UTRN: variants seen among roughly 807,000 people sequenced by gnomAD.
UTRN encodes the protein utrophin.
In UTRN, 283 loss-of-function variants were observed where a neutral mutation model predicts 463.9. The ratio of observed to expected loss-of-function variants is 0.61; its 90% confidence interval spans 0.55 to 0.67. The LOEUF (loss-of-function observed/expected upper bound fraction) is 0.67, where lower values mean the gene tolerates loss of function less well. Among genes scored for constraint, UTRN ranks in the 30% least tolerant of loss-of-function variants. The pLI is 0.00. For synonymous variants in UTRN, 1,442 were observed against 1,431.5 expected, an observed-to-expected ratio of 1.01 and a Z score of -0.17; for missense variants, 3,922 against 4,084.3, an observed-to-expected ratio of 0.96 and a Z score of 1.08.
intron 51 of UTRN, among the ~76,000 whole-genome samples, chr6:144,670,621 T>C (rs1197365841): frequency 2.6e-5 from 4 of 152,112 alleles, no homozygotes; most frequent in Non-Finnish European, 4.4e-5. Context: ...TTTTGCTGTG[T>C]AGAAGCTTTT....
At position 144,301,542 on chromosome 6, in the gene UTRN, T is replaced by C. The variant is rs1474199029; in HGVS notation, c.79+9635T>C. On this transcript the variant is annotated intron_variant, in intron 2 of 74. Coordinates refer to ENST00000367545, the MANE Select transcript of UTRN (RefSeq NM_007124.3). ...ATCCTATCTTTCTTTCTTTCTTTTT[T>C]TTTTTTTTTTTTTTTTTTTGAGACA... Among the ~76,000 whole-genome samples, 644 of 127,192 alleles carry C rather than the reference T, an allele frequency of 5.1e-3. 5 individuals carry two copies. The highest frequency in any genetic ancestry group is 0.022 in the African/African-American group (609 of 27,516). The allele number at this position is 127,192 out of a possible 152,430, so 83.4% of individuals were successfully genotyped here. A position where few individuals can be genotyped will look rare whatever the true frequency, so the allele number is the denominator to read the frequency against.
At chr6:144,304,921 G>A (rs1805576881) in intron 2 of UTRN, among the ~76,000 whole-genome samples, 1 of 150,736 alleles carries the variant, frequency 6.6e-6, no homozygotes, top group Non-Finnish European at 1.5e-5. Context: ...TTTATCAGCT[G>A]TTAATGTTTT....
intron 51 of UTRN, among the ~76,000 whole-genome samples, chr6:144,664,167 G>A (rs552711826): frequency 6.6e-6 from 1 of 152,314 alleles, no homozygotes; most frequent in South Asian, 2.1e-4. Flanking sequence ...AGTTTAAGTT[G>A]AAAGAAGGAA....
chr6:144,447,182 T>C, intron 14 of UTRN, 29 bp from the exon 15 acceptor site: 1 of 1,590,280 alleles, frequency 6.3e-7, no homozygotes, highest in Non-Finnish European at 8.6e-7. Flanking sequence ...ATTTTGCAGA[T>C]AAAGTTCAAC....
At chr6:144,652,201 A>C (rs1778889276) in intron 51 of UTRN, among the ~76,000 whole-genome samples, 1 of 152,172 alleles carries the variant, frequency 6.6e-6, no homozygotes, top group South Asian at 2.1e-4. Flanking sequence ...AATGTGGCTG[A>C]TGTCAGTGTC....
chr6:144,341,872 G>A (rs1777161926), intron 2 of UTRN, among the ~76,000 whole-genome samples: 1 of 152,162 alleles, frequency 6.6e-6, no homozygotes, highest in Non-Finnish European at 1.5e-5. Context: ...TATTTAGCTG[G>A]TATGAACCCA....
At chr6:144,803,904 C>T (rs1334949643) in intron 65 of UTRN, among the ~76,000 whole-genome samples, 4 of 151,968 alleles carry the variant, frequency 2.6e-5, no homozygotes, top group East Asian at 1.9e-4. Flanking sequence ...TTGATGTCAA[C>T]GTTTTTTTCA....
chr6:144,645,757 G>C (rs1291381009), intron 51 of UTRN, among the ~76,000 whole-genome samples: 6 of 152,174 alleles, frequency 3.9e-5, no homozygotes, highest in African/African-American at 1.4e-4. Context: ...GGAGAAAGCT[G>C]TGTTGGTGAT....
At position 144,453,877 on chromosome 6, in the gene UTRN, C is replaced by T; in HGVS notation, c.2284+8C>T. Reference sequence around the variant, plus strand: ...TGGAGCAAATGGGAAAAGGTAAGATCCTTGATTTTTTTCCCCTATATTTTT... The same window carrying T: ...TGGAGCAAATGGGAAAAGGTAAGATTCTTGATTTTTTTCCCCTATATTTTT... On this transcript the variant is annotated splice_region_variant and intron_variant, in intron 19 of 74. Transcript: ENST00000367545. 6.2e-7 allele frequency: 1 copy of T among 1,609,530 alleles called. No homozygotes were observed. Among genetic ancestry groups the T allele is most frequent in the Non-Finnish European group, 8.5e-7 (1 of 1,177,294 alleles).
At chr6:144,835,048 G>A (rs535575871) in intron 69 of UTRN, among the ~76,000 whole-genome samples, 4 of 152,278 alleles carry the variant, frequency 2.6e-5, no homozygotes, top group South Asian at 4.1e-4. Context: ...AAGAAATTCC[G>A]AGTCTGCTAG....
chr6:144,688,265 T>C (rs1011578684), intron 52 of UTRN, among the ~76,000 whole-genome samples: 1 of 152,182 alleles, frequency 6.6e-6, no homozygotes, highest in African/African-American at 2.4e-5. Context: ...TTTTCATTCA[T>C]ATCTTGAATT....
intron 54 of UTRN, 145 bp from the exon 55 acceptor site, chr6:144,748,101 C>A: frequency 9.9e-7 from 1 of 1,010,784 alleles, no homozygotes; most frequent in Non-Finnish European, 1.4e-6. Context: ...GAAATTCTTT[C>A]TTACCCTGGA....
rs1209854800 is a variant in UTRN, at chr6:144,537,739, A to G, written c.6369+22A>G. ...AAGAGTAAGTTGTTTATTTCTGTCT[A>G]TATGCCTTTTGGTGCCCGAACATTA... On this transcript the variant is annotated intron_variant, in intron 44 of 74. Transcript: ENST00000367545. 4 of 1,604,196 alleles carry G rather than the reference A, an allele frequency of 2.5e-6. No homozygotes were observed. In the African/African-American group the frequency reaches 4.0e-5, roughly 16 times the overall value.
intron 45 of UTRN, among the ~76,000 whole-genome samples, chr6:144,541,518 A>G (rs923907339): frequency 2.6e-5 from 4 of 152,240 alleles, no homozygotes; most frequent in African/African-American, 7.2e-5. Flanking sequence ...AAGACCAACA[A>G]TGCTCATTGT....
chr6:144,507,191 C>T (rs1794760972), intron 34 of UTRN, among the ~76,000 whole-genome samples: 1 of 151,776 alleles, frequency 6.6e-6, no homozygotes, highest in South Asian at 2.1e-4. Flanking sequence ...TTCTTAGCTT[C>T]CTTGCATTGG....
intron 51 of UTRN, among the ~76,000 whole-genome samples, chr6:144,650,508 CTG>C (rs1778697816): frequency 2.0e-5 from 3 of 152,132 alleles, no homozygotes; most frequent in Non-Finnish European, 4.4e-5. Context: ...ATGGTAGAGA[CTG>C]TTGTAATTTC....
rs561618938 is a variant in UTRN, at chr6:144,510,945, A to G, written c.4766A>G (p.Asn1589Ser). The G allele has an allele frequency of 6.4e-7, 1 of 1,562,144 alleles. No homozygotes were observed. Among genetic ancestry groups the G allele is most frequent in the South Asian group, 1.2e-5 (1 of 84,858 alleles). Residue 1589 changes from asparagine (N) to serine (S), a missense_variant and splice_region_variant, in exon 35 of 75, where the codon AAT becomes AGT. Around this residue, in one of 3 missense-constraint regions of UTRN, gnomAD observed 2,349 missense variants for 2,303.8 expected, o/e 1.02. Coordinates refer to ENST00000367545, the MANE Select transcript of UTRN (RefSeq NM_007124.3). ...DLDTEISWAK[N>S]VLKDLEKRKA... ...GGTCTTGGTGTTTTTATTTTCTAGA[A>G]TGTTCTGAAGGATCTGGAAAAGAGA...
At chr6:144,715,713 C>T (rs1786357044) in intron 53 of UTRN, among the ~76,000 whole-genome samples, 2 of 142,212 alleles carry the variant, frequency 1.4e-5, no homozygotes, top group Admixed American at 1.4e-4. Flanking sequence ...CCCTTTTCTA[C>T]TTCTTTCTTT....
intron 54 of UTRN, among the ~76,000 whole-genome samples, chr6:144,741,314 G>A (rs1790045636): frequency 1.3e-5 from 2 of 152,160 alleles, no homozygotes; most frequent in African/African-American, 4.8e-5. Flanking sequence ...CCTGGGGAGA[G>A]ATGGGCAGTC....
Sources: allele counts gnomAD v4.1 joint callset (sites outside exome capture counted in the v4.1 genomes callset), GRCh38; gene constraint gnomAD v4.1.1; regional missense constraint gnomAD v4.1.1; transcripts MANE v1.5; gene names NCBI Gene and HGNC (gene_info 2026-07-23, HGNC 2026-07-21).